Variants in ABHD15 observed in about 807,000 individuals in gnomAD.
The protein encoded by ABHD15 is protein ABHD15.
Under a neutral mutation model 34.4 loss-of-function variants are expected in ABHD15, and 34 were observed. The ratio of observed to expected loss-of-function variants is 0.99; its 90% CI spans 0.75 to 1.32. ABHD15 has a LOEUF of 1.32. ABHD15 is among the 40% of genes most tolerant of loss of function. The pLI, the probability that ABHD15 is intolerant of heterozygous loss-of-function variation, is 0.00. For synonymous variants in ABHD15, 314 were observed against 299.2 expected, an observed-to-expected ratio of 1.05 and a Z score of -0.51; for missense variants, 644 against 650.4, an observed-to-expected ratio of 0.99 and a Z score of 0.11.
chr17:29,564,755 G>A (rs527400799), intron 1 of ABHD15, among the ~76,000 whole-genome samples: 38 of 152,268 alleles, frequency 2.5e-4, no homozygotes, highest in African/African-American at 8.4e-4. Flanking sequence ...TCGGGAGGCT[G>A]AGGTGGGGGT....
In ABHD15 at chr17:29,562,172, G is replaced by C. The variant is rs1320008362; in HGVS notation, c.*389C>G. ...CAAATGGCTCCAGCTTGAGAATCGGGGTCACTGCCCAGTGACATACACAAA... is the reference window on the plus strand; with the variant it reads ...CAAATGGCTCCAGCTTGAGAATCGGCGTCACTGCCCAGTGACATACACAAA... On this transcript the variant is annotated 3_prime_UTR_variant, in exon 2 of 2. Coordinates refer to ENST00000307201, the MANE Select transcript of ABHD15 (RefSeq NM_198147.3). 1 of 162,868 alleles carries C rather than the reference G, an allele frequency of 6.1e-6. No individual in the cohort carries two copies. Among genetic ancestry groups the C allele is most frequent in the African/African-American group, 2.4e-5 (1 of 41,650 alleles). 10.1% of individuals were successfully genotyped at this position (162,868 alleles called of 1,614,324 possible).
At chr17:29,564,513 C>T (rs1409403798) in intron 1 of ABHD15, among the ~76,000 whole-genome samples, 1 of 152,176 alleles carries the variant, frequency 6.6e-6, no homozygotes, top group Non-Finnish European at 1.5e-5. Flanking sequence ...GGATGAGCAG[C>T]TCCGTCTTTT....
Position 29,566,719 on chromosome 17 carries a change from A to T in ABHD15, c.248T>A (p.Leu83Gln). 1 of 1,576,982 alleles carries T rather than the reference A, an allele frequency of 6.3e-7. No homozygotes were observed. Residue 83 changes from leucine (L) to glutamine (Q), a missense_variant, in exon 1 of 2, where the codon CTG becomes CAG. Leu to Gln is a moderately radical substitution (Grantham distance 113). Transcript: ENST00000307201. ...CTCTGAGCGCCGCAGGGCGCGCAGC[A>T]GGCACTGGGCCAGGGCCGACGGCTT... The part of the protein sequence containing the change: ...VCKPSALAQC[L>Q]LRALRRSEAL...
chr17:29,564,821 C>T (rs1198605771), intron 1 of ABHD15, among the ~76,000 whole-genome samples: 3 of 152,162 alleles, frequency 2.0e-5, no homozygotes, highest in African/African-American at 7.2e-5. Context: ...ATAATGACTT[C>T]GACCTCATTC....
Position 29,566,667 on chromosome 17 carries a change from C to T in ABHD15, c.300G>A (p.Trp100Ter), listed in dbSNP as rs1445414136. ...GGGTCTGCAGGTGGGGCCCGGAGAA[C>T]CAGGAGCGCGGGCCGGCCTCCAGCG... ...SEALEAGPRS[W>*]FSGPHLQTLC... Residue 100 changes from tryptophan to a stop codon, truncating the protein, a stop_gained, in exon 1 of 2, where the codon TGG (tryptophan) becomes TGA (stop). Coordinates refer to ENST00000307201, the MANE Select transcript of ABHD15 (RefSeq NM_198147.3). LOFTEE classifies it high-confidence loss of function. The T allele has an allele frequency of 6.2e-7, 1 of 1,600,568 alleles. No homozygotes were observed. Among genetic ancestry groups the T allele is most frequent in the Admixed American group, 1.7e-5 (1 of 59,442 alleles).
intron 1 of ABHD15, among the ~76,000 whole-genome samples, chr17:29,564,929 G>A (rs2032678488): frequency 6.6e-6 from 1 of 152,128 alleles, no homozygotes; most frequent in African/African-American, 2.4e-5. Context: ...CTGCACTCCA[G>A]CCTGGGCGAC....
rs748256915 is a variant in ABHD15 at position 29,566,247 on chromosome 17, C to G, written c.720G>C (p.Ser240=). The G allele has an allele frequency of 2.5e-6, 4 of 1,610,466 alleles. No individual in the cohort carries two copies. The East Asian group carries it at 6.7e-5, about 27-fold the overall frequency. Residue 240 remains serine (S), a synonymous_variant, in exon 1 of 2, where the codon TCG becomes TCC. Coordinates refer to ENST00000307201, the MANE Select transcript of ABHD15 (RefSeq NM_198147.3). ...CGCCCAGGTAGGACAGGAGCAGCGC[C>G]GAGCCCGAGCCTTCGCTCACCGCGA... ...PLFAVSEGSG[S]ALLLSYLGEC...
At position 29,566,696 on chromosome 17, in the gene ABHD15, C is replaced by A; in HGVS notation, c.271G>T (p.Glu91Ter). 1 of 1,587,822 alleles carries A rather than the reference C, an allele frequency of 6.3e-7. No individual in the cohort carries two copies. The highest frequency in any genetic ancestry group is 8.5e-7 in the Non-Finnish European group (1 of 1,172,824). ...QCLLRALRRS[E>*]ALEAGPRSWF... is the part of the protein sequence containing the mutation. ...GAGCGCGGGCCGGCCTCCAGCGCCT[C>A]TGAGCGCCGCAGGGCGCGCAGCAGG... is the stretch of plus-strand genomic sequence containing the variant. Residue 91 changes from glutamate (E) to a stop codon, truncating the protein, a stop_gained, in exon 1 of 2, where the codon GAG becomes TAG. Coordinates refer to ENST00000307201, the MANE Select transcript of ABHD15 (RefSeq NM_198147.3). LOFTEE classifies it high-confidence loss of function.
rs139646878 is a variant in ABHD15 at position 29,564,412 on chromosome 17, G to A, written c.882-1326C>T. On this transcript the variant is annotated intron_variant, in intron 1 of 1. Transcript: ENST00000307201. Reference sequence around the variant, plus strand: ...AATTTACTGGGTGGATTCCTAAATGGGGGCCTCAGAGCAACTGCTTTGGGT... The same window carrying A: ...AATTTACTGGGTGGATTCCTAAATGAGGGCCTCAGAGCAACTGCTTTGGGT... 3.2e-3 allele frequency among the ~76,000 whole-genome samples: 486 copies of A among 152,276 alleles called. 1 individual carries two copies. Among genetic ancestry groups the A allele is most frequent in the Middle Eastern group, 6.8e-3 (2 of 294 alleles).
chr17:29,562,312 G>A lies in ABHD15; in HGVS notation c.*249C>T, dbSNP rs546795176. 2.0e-4 allele frequency: 79 copies of A among 394,704 alleles called. No individual in the cohort carries two copies. The highest frequency in any genetic ancestry group is 1.3e-3 in the Middle Eastern group (2 of 1,508). The allele number at this position is 394,704 out of a possible 1,614,324, so 24.5% of individuals were successfully genotyped here. A position where few individuals can be genotyped will look rare whatever the true frequency, so the allele number is the denominator to read the frequency against. ...AGTGACAGGTGACAGTGACTGGAAC[G>A]CGCCGCTGCTGACCGGATGAGTAGG... On this transcript the variant is annotated 3_prime_UTR_variant, in exon 2 of 2. Coordinates refer to ENST00000307201, the MANE Select transcript of ABHD15 (RefSeq NM_198147.3).
rs1253368821 is a variant in ABHD15 at position 29,562,853 on chromosome 17, G to GT, written c.1114dup (p.Thr372AsnfsTer2). 2 of 1,613,954 alleles carry GT rather than the reference G, an allele frequency of 1.2e-6. No individual in the cohort carries two copies. Among genetic ancestry groups the GT allele is most frequent in the Admixed American group, 1.7e-5 (1 of 60,006 alleles). ...GTAGGGGTTGCTGTGGAAGAGTTCAGTTGTCAGAGTGTGGTCTGGGGGTCC... is the reference window on the plus strand; with the variant it reads ...GTAGGGGTTGCTGTGGAAGAGTTCAGTTTGTCAGAGTGTGGTCTGGGGGTCC... On this transcript the variant is annotated frameshift_variant, in exon 2 of 2. Coordinates refer to ENST00000307201, the MANE Select transcript of ABHD15 (RefSeq NM_198147.3). LOFTEE classifies it high-confidence loss of function.
chr17:29,562,469 C>T lies in ABHD15; in HGVS notation c.*92G>A, dbSNP rs1270250692. 1 of 1,376,384 alleles carries T rather than the reference C, an allele frequency of 7.3e-7. No homozygotes were observed. The highest frequency in any genetic ancestry group is 9.9e-7 in the Non-Finnish European group (1 of 1,013,776). The allele number at this position is 1,376,384 out of a possible 1,614,324, so 85.3% of individuals were successfully genotyped here. Reference sequence around the variant, plus strand: ...GAATGAGGAGCACAGAGCTGGAGCTCCCTCTGTTCAGTCCGCCCCATCTTT... The same window carrying T: ...GAATGAGGAGCACAGAGCTGGAGCTTCCTCTGTTCAGTCCGCCCCATCTTT... On this transcript the variant is annotated 3_prime_UTR_variant, in exon 2 of 2. Transcript: ENST00000307201.
chr17:29,566,403 C>T lies in ABHD15; in HGVS notation c.564G>A (p.Pro188=). ...GGTGGCCGCGGCGATGGAAGATGAC[C>T]GGGTAGTAGCCGCGCTCCAGGGCGA... The part of the protein sequence containing the change: ...CLLALERGYY[P]VIFHRRGHHG... Residue 188 remains proline, a synonymous_variant, in exon 1 of 2, where the codon CCG becomes CCA. Coordinates refer to ENST00000307201, the MANE Select transcript of ABHD15 (RefSeq NM_198147.3). 6.2e-7 allele frequency: 1 copy of T among 1,611,700 alleles called. No homozygotes were observed. The highest frequency in any genetic ancestry group is 8.5e-7 in the Non-Finnish European group (1 of 1,179,262).
At position 29,562,702 on chromosome 17, in the gene ABHD15, C is replaced by A; in HGVS notation, c.1266G>T (p.Glu422Asp). The A allele has an allele frequency of 6.2e-7, 1 of 1,614,188 alleles. No homozygotes were observed. The highest frequency in any genetic ancestry group is 8.5e-7 in the Non-Finnish European group (1 of 1,180,038). ...FRALTEFFRT[E>D]ERIKGLSRHR... ...GCCTGCTCAGCCCTTTAATCCTCTCCTCCGTTCGGAAGAACTCAGTCAAGG... is the reference window on the plus strand; with the variant it reads ...GCCTGCTCAGCCCTTTAATCCTCTCATCCGTTCGGAAGAACTCAGTCAAGG... Residue 422 changes from glutamate (E) to aspartate (D), a missense_variant, in exon 2 of 2, where the codon GAG (glutamate) becomes GAT (aspartate). Glu to Asp is a conservative substitution (Grantham distance 45). Transcript: ENST00000307201.
Position 29,566,649 on chromosome 17 carries a change from C to T in ABHD15, c.318G>A (p.Leu106=). The change falls in exon 1 of 2, where the codon CTG becomes CTA. Residue 106 remains leucine (L), a synonymous_variant. Coordinates refer to ENST00000307201, the MANE Select transcript of ABHD15 (RefSeq NM_198147.3). ...GPRSWFSGPH[L]QTLCHFVLPV... ...GCAGGACGAAGTGGCAGAGGGTCTG[C>T]AGGTGGGGCCCGGAGAACCAGGAGC... is the stretch of plus-strand genomic sequence containing the variant. The T allele has an allele frequency of 6.2e-7, 1 of 1,604,856 alleles. No homozygotes were observed.
At position 29,566,284 on chromosome 17, in the gene ABHD15, G is replaced by A. The variant is rs774006255; in HGVS notation, c.683C>T (p.Ala228Val). ...AVTYIRFRHP[A>V]APLFAVSEGS... ...TTCGCTCACCGCGAACAGCGGCGCC[G>A]CCGGGTGTCGGAAGCGGATGTATGT... The change falls in exon 1 of 2, where the codon GCG becomes GTG. Residue 228 changes from alanine to valine, a missense_variant. Transcript: ENST00000307201. 1 of 1,611,138 alleles carries A rather than the reference G, an allele frequency of 6.2e-7. No individual in the cohort carries two copies. The highest frequency in any genetic ancestry group is 8.5e-7 in the Non-Finnish European group (1 of 1,179,078).
rs569906411 is a variant in ABHD15, at chr17:29,562,350, A to C, written c.*211T>G. The C allele has an allele frequency of 1.5e-5, 8 of 531,832 alleles. No homozygotes were observed. The Admixed American group carries it at 2.7e-4, about 18-fold the overall frequency. The allele number at this position is 531,832 out of a possible 1,614,324, so 32.9% of individuals were successfully genotyped here. On this transcript the variant is annotated 3_prime_UTR_variant, in exon 2 of 2. Coordinates refer to ENST00000307201, the MANE Select transcript of ABHD15 (RefSeq NM_198147.3). ...CCGGATGAGTAGGGATATGTTGAGC[A>C]GAGGCCAGGCAGGAGTTCTGCTGAG... is the stretch of plus-strand genomic sequence containing the variant.
In ABHD15 at chr17:29,562,627, C is replaced by A. The variant is rs766049769; in HGVS notation, c.1341G>T (p.Arg447Ser). The part of the protein sequence containing the change: ...GGRRRGGALQ[R>S]REVSSSSNLE... ...GGTTGGAAGAGGAAGAGACTTCCCG[C>A]CTCTGCAAGGCTCCCCCACGACGAC... The change falls in exon 2 of 2, where the codon AGG becomes AGT. Residue 447 changes from arginine (R) to serine (S), a missense_variant. By Grantham distance (110) the Arg-to-Ser change is moderately radical (BLOSUM62 -1). Coordinates refer to ENST00000307201, the MANE Select transcript of ABHD15 (RefSeq NM_198147.3). The A allele has an allele frequency of 1.2e-6, 2 of 1,613,966 alleles. No homozygotes were observed. The highest frequency in any genetic ancestry group is 2.2e-5 in the South Asian group (2 of 91,082).
chr17:29,562,608 A>C lies in ABHD15; in HGVS notation c.1360T>G (p.Ser454Ala). ...ALQRREVSSS[S>A]NLEEIFNWKR... ...CAGTTAAAGATCTCCTCCAGGTTGGAAGAGGAAGAGACTTCCCGCCTCTGC... is the reference window on the plus strand; with the variant it reads ...CAGTTAAAGATCTCCTCCAGGTTGGCAGAGGAAGAGACTTCCCGCCTCTGC... Residue 454 changes from serine to alanine, a missense_variant, in exon 2 of 2, where the codon TCC becomes GCC. By Grantham distance (99) the Ser-to-Ala change is moderately conservative. Transcript: ENST00000307201. 2 of 1,613,954 alleles carry C rather than the reference A, an allele frequency of 1.2e-6. No homozygotes were observed. The highest frequency in any genetic ancestry group is 2.2e-5 in the South Asian group (2 of 91,076).
Sources: gnomAD v4.1 joint callset for allele counts (sites outside exome capture counted in the v4.1 genomes callset) on GRCh38, gnomAD v4.1.1 for gene constraint, MANE v1.5 for transcripts, NCBI Gene and HGNC (gene_info 2026-07-23, HGNC 2026-07-21) for gene names.